The following CASK variants were observed in gnomAD, a reference collection of about 807,000 sequenced individuals.
CASK encodes peripheral plasma membrane protein CASK.
A neutral mutation model predicts 82.9 loss-of-function variants in CASK; 4 were observed. The ratio of observed to expected loss-of-function variants is 0.05; its 90% CI spans 0.02 to 0.11. CASK has a LOEUF of 0.11. CASK is among the 10% of genes least tolerant of loss of function. The pLI, the probability that CASK is intolerant of heterozygous loss-of-function variation, is 1.00. For missense variants in CASK, 358 were observed against 720.9 expected (o/e 0.50, Z 5.76); for synonymous variants, 259 against 253.5 (o/e 1.02, Z -0.20).
At chrX:41,753,504 A>T (rs764996396) in intron 3 of CASK, among the ~76,000 whole-genome samples, 26 of 112,450 alleles carry the variant, frequency 2.3e-4, no homozygotes, top group African/African-American at 7.7e-4. Context: ...ATTAAACCCA[A>T]TGAAGGTAGA....
chrX:41,659,278 A>T (rs1308926057), intron 8 of CASK, among the ~76,000 whole-genome samples: 2 of 107,775 alleles, frequency 1.9e-5, no homozygotes, highest in African/African-American at 6.8e-5. Flanking sequence ...CCCAGGCTGG[A>T]GTATAGTGAC....
At chrX:41,625,942 CTTTTTTTT>C (rs748063155) in intron 10 of CASK, among the ~76,000 whole-genome samples, 1 of 40,367 alleles carries the variant, frequency 2.5e-5, no homozygotes, top group Non-Finnish European at 4.9e-5. Context: ...GCACGCCTGG[CTTTTTTTT>C]TTTTTTTTTT....
rs2067269474 is a variant in CASK at position 41,676,559 on chromosome X, C to T, written c.430-5029G>A. ...CGCGGCCTCGCCTGGGTCTACCTGGCGGGCGCCGCTGGGCCGGGCCTGGGC... is the reference window on the plus strand; with the variant it reads ...CGCGGCCTCGCCTGGGTCTACCTGGTGGGCGCCGCTGGGCCGGGCCTGGGC... On this transcript the variant is annotated intron_variant, in intron 5 of 26. Transcript: ENST00000378163. 2.9e-5 allele frequency: 28 copies of T among 967,215 alleles called. 1 individual carries two copies. Among genetic ancestry groups the T allele is most frequent in the East Asian group, 1.6e-4 (5 of 32,239 alleles). The allele number at this position is 967,215 out of a possible 1,213,427, so 79.7% of individuals were successfully genotyped here. A position where few individuals can be genotyped will look rare whatever the true frequency, so the allele number is the denominator to read the frequency against.
chrX:41,780,348 T>C (rs182472684), intron 3 of CASK, among the ~76,000 whole-genome samples: 1 of 112,137 alleles, frequency 8.9e-6, no homozygotes, highest in Admixed American at 9.5e-5. Flanking sequence ...TCTACAAAAC[T>C]ACTGTGTGTG....
chrX:41,730,789 C>A (rs979146644), intron 5 of CASK, among the ~76,000 whole-genome samples: 5 of 111,110 alleles, frequency 4.5e-5, no homozygotes, highest in Non-Finnish European at 9.4e-5. Flanking sequence ...GCAACCTCCA[C>A]CCCCCCGGGG....
At chrX:41,794,399 T>C (rs915265858) in intron 2 of CASK, among the ~76,000 whole-genome samples, 5 of 112,294 alleles carry the variant, frequency 4.5e-5, no homozygotes, top group Non-Finnish European at 9.4e-5. Flanking sequence ...AATTTGTATA[T>C]GACAAAAATA....
At chrX:41,896,919 C>T (rs1350386379) in intron 1 of CASK, among the ~76,000 whole-genome samples, 3 of 112,091 alleles carry the variant, frequency 2.7e-5, no homozygotes, top group Admixed American at 9.5e-5. Context: ...TGACCATTAA[C>T]CATCCCTACT....
chrX:41,611,997 A>G (rs2066065383), intron 11 of CASK, among the ~76,000 whole-genome samples: 1 of 112,374 alleles, frequency 8.9e-6, no homozygotes, highest in South Asian at 3.7e-4. Flanking sequence ...TGGTTCACTC[A>G]GTGCTCAATG....
chrX:41,894,714 G>A (rs892612024), intron 1 of CASK, among the ~76,000 whole-genome samples: 2 of 110,403 alleles, frequency 1.8e-5, no homozygotes, highest in Non-Finnish European at 3.8e-5. Flanking sequence ...AATTCAATAG[G>A]GAGCTTCAAA....
chrX:41,883,708 C>A (rs951200743), intron 1 of CASK, among the ~76,000 whole-genome samples: 1 of 111,680 alleles, frequency 9.0e-6, no homozygotes, highest in Non-Finnish European at 1.9e-5. Flanking sequence ...TAAAATAATT[C>A]ATGGCTCCAA....
At chrX:41,857,233 G>A (rs771129388) in intron 1 of CASK, among the ~76,000 whole-genome samples, 11 of 110,473 alleles carry the variant, frequency 1.0e-4, no homozygotes, top group Non-Finnish European at 1.9e-4. Context: ...TGCATTGTAG[G>A]ATGTTCAGCA....
chrX:41,791,174 G>A (rs2069705128), intron 2 of CASK, among the ~76,000 whole-genome samples: 3 of 108,643 alleles, frequency 2.8e-5, no homozygotes, highest in Admixed American at 9.9e-5. Context: ...AATTTCAATA[G>A]CTTTTGTGGA....
chrX:41,768,146 G>C (rs1198261403), intron 3 of CASK, among the ~76,000 whole-genome samples: 1 of 111,482 alleles, frequency 9.0e-6, no homozygotes, highest in Non-Finnish European at 1.9e-5. Context: ...CATGCTTTCA[G>C]GTTGGTTCCT....
At chrX:41,814,353 T>A (rs764918093) in intron 2 of CASK, among the ~76,000 whole-genome samples, 1 of 111,176 alleles carries the variant, frequency 9.0e-6, no homozygotes, top group African/African-American at 3.3e-5. Flanking sequence ...CAAATGTCCA[T>A]CCATGATAGA....
rs764004148 is a variant in CASK at position 41,546,071 on chromosome X, C to T, written c.2040-3265G>A. ...ACTGAAACCTCCGTCCTCCCAGGTT[C>T]AAGTGATTCTCCCTGCCTCAGCCTC... On this transcript the variant is annotated intron_variant, in intron 21 of 26. Transcript: ENST00000378163. Among the ~76,000 whole-genome samples, 14 of 110,944 alleles carry T rather than the reference C, an allele frequency of 1.3e-4. No individual in the cohort carries two copies. The South Asian group carries it at 5.4e-3, about 43-fold the overall frequency.
intron 3 of CASK, among the ~76,000 whole-genome samples, chrX:41,758,900 T>C (rs1156710383): frequency 8.9e-6 from 1 of 112,092 alleles, no homozygotes; most frequent in East Asian, 2.8e-4. Context: ...TCTTTACCAA[T>C]TGTAGTTCTT....
Position 41,589,607 on chromosome X carries a change from A to C in CASK, c.1156-15T>G, listed in dbSNP as rs754243369. The C allele has an allele frequency of 1.6e-5, 17 of 1,082,917 alleles. No homozygotes were observed. The Middle Eastern group carries it at 1.1e-3, about 67-fold the overall frequency. The allele number at this position is 1,082,917 out of a possible 1,213,427, so 89.2% of individuals were successfully genotyped here. A position where few individuals can be genotyped will look rare whatever the true frequency, so the allele number is the denominator to read the frequency against. Reference sequence around the variant, plus strand: ...TTGTCATACAGCTAAAAAGCAAAGAAGAAAATCCAGTAAACACTCACAATT... The same window carrying C: ...TTGTCATACAGCTAAAAAGCAAAGACGAAAATCCAGTAAACACTCACAATT... On this transcript the variant is annotated splice_polypyrimidine_tract_variant and intron_variant, in intron 12 of 26. Coordinates refer to ENST00000378163, the MANE Select transcript of CASK (RefSeq NM_001367721.1).
chrX:41,792,490 A>G lies in CASK; in HGVS notation c.173-5207T>C, dbSNP rs759015572. ...TAGTTTATAGAGACAGAGTCTCGCT[A>G]TGTTGCCCGGGTTGATCTCGAATTC... On this transcript the variant is annotated intron_variant, in intron 2 of 26. Transcript: ENST00000378163. 2.7e-5 allele frequency among the ~76,000 whole-genome samples: 3 copies of G among 109,629 alleles called. No individual in the cohort carries two copies. In the East Asian group the frequency reaches 8.6e-4, roughly 32 times the overall value.
intron 2 of CASK, among the ~76,000 whole-genome samples, chrX:41,833,483 G>T (rs1284527507): frequency 9.0e-6 from 1 of 111,237 alleles, no homozygotes; most frequent in East Asian, 2.8e-4. Flanking sequence ...AGGCTGGGAG[G>T]GGGGAAAATA....
Sources: allele counts gnomAD v4.1 joint callset (sites outside exome capture counted in the v4.1 genomes callset), GRCh38; gene constraint gnomAD v4.1.1; transcripts MANE v1.5; gene names NCBI Gene and HGNC (gene_info 2026-07-23, HGNC 2026-07-21).